PITPNC1: variants seen among roughly 807,000 people sequenced by gnomAD.
PITPNC1 encodes the protein cytoplasmic phosphatidylinositol transfer protein 1.
A neutral mutation model predicts 44.7 loss-of-function variants in PITPNC1; 18 were observed. That is an observed-to-expected ratio of 0.40 (90% CI 0.28 to 0.60). The LOEUF is 0.60. Ranked by LOEUF, PITPNC1 falls within the 20% of genes least tolerant of loss-of-function variation. The pLI is 0.39. For synonymous variants in PITPNC1, 141 were observed against 149.6 expected, an observed-to-expected ratio of 0.94 and a Z score of 0.42; for missense variants, 290 against 418.4, an observed-to-expected ratio of 0.69 and a Z score of 2.68.
chr17:67,411,018 G>A (rs1282766755), intron 1 of PITPNC1, among the ~76,000 whole-genome samples: 6 of 150,692 alleles, frequency 4.0e-5, no homozygotes, highest in Non-Finnish European at 8.8e-5. Flanking sequence ...GGAGGCGGAG[G>A]TTGCAGTGAG....
chr17:67,540,012 C>T (rs1277665596), intron 2 of PITPNC1, among the ~76,000 whole-genome samples: 1 of 152,010 alleles, frequency 6.6e-6, no homozygotes. Flanking sequence ...TTGTGGTTAC[C>T]TTTGAGGAGG....
chr17:67,475,038 A>G (rs139869104), intron 1 of PITPNC1, among the ~76,000 whole-genome samples: 1 of 152,356 alleles, frequency 6.6e-6, no homozygotes, highest in African/African-American at 2.4e-5. Context: ...AAGCTGCTCT[A>G]GTGTGAACAC....
chr17:67,589,376 C>A (rs1434303750), intron 5 of PITPNC1, among the ~76,000 whole-genome samples: 1 of 152,196 alleles, frequency 6.6e-6, no homozygotes, highest in Non-Finnish European at 1.5e-5. Flanking sequence ...TGTCTGCTTT[C>A]TGGCTAGGCC....
At chr17:67,526,674 G>A (rs2040395141) in intron 1 of PITPNC1, among the ~76,000 whole-genome samples, 1 of 151,912 alleles carries the variant, frequency 6.6e-6, no homozygotes, top group Admixed American at 6.6e-5. Context: ...AGAGGTTGCA[G>A]TGAGCCAAGA....
At position 67,463,813 on chromosome 17, in the gene PITPNC1, G is replaced by T. The variant is rs191895281; in HGVS notation, c.49-68989G>T. On this transcript the variant is annotated intron_variant, in intron 1 of 8. Coordinates refer to ENST00000581322, the MANE Select transcript of PITPNC1 (RefSeq NM_012417.4). ...CGGCGGCTACTTGGGAGGCTGAGGT[G>T]GGAGGATCGTTTAAGCCCGAAAGGC... 3.9e-5 allele frequency among the ~76,000 whole-genome samples: 6 copies of T among 152,116 alleles called. No homozygotes were observed. In the East Asian group the frequency reaches 1.2e-3, roughly 29 times the overall value.
intron 1 of PITPNC1, among the ~76,000 whole-genome samples, chr17:67,529,643 G>A (rs947483422): frequency 6.6e-6 from 1 of 152,136 alleles, no homozygotes; most frequent in East Asian, 1.9e-4. Context: ...AAACTGGGTG[G>A]CTTCAACAAC....
At chr17:67,584,125 T>A (rs2144243655) in intron 5 of PITPNC1, among the ~76,000 whole-genome samples, 1 of 152,200 alleles carries the variant, frequency 6.6e-6, no homozygotes, top group South Asian at 2.1e-4. Flanking sequence ...GTAAGTGCTA[T>A]TTAAAACCAA....
chr17:67,382,198 C>T (rs780361714), intron 1 of PITPNC1, among the ~76,000 whole-genome samples: 34 of 152,254 alleles, frequency 2.2e-4, no homozygotes, highest in Non-Finnish European at 3.2e-4. Context: ...TTGCTATAGA[C>T]GGTACTGGCC....
At chr17:67,461,320 G>T (rs1191507972) in intron 1 of PITPNC1, among the ~76,000 whole-genome samples, 3 of 152,230 alleles carry the variant, frequency 2.0e-5, no homozygotes, top group Non-Finnish European at 2.9e-5. Flanking sequence ...AAGTCAAATA[G>T]ATAATAGGTC....
chr17:67,509,698 T>C (rs2040155970), intron 1 of PITPNC1, among the ~76,000 whole-genome samples: 1 of 152,130 alleles, frequency 6.6e-6, no homozygotes, highest in Non-Finnish European at 1.5e-5. Context: ...GTGTGACATA[T>C]ATCACATCCT....
Position 67,378,234 on chromosome 17 carries a change from C to G in PITPNC1, c.48+32C>G, listed in dbSNP as rs947442321. On this transcript the variant is annotated intron_variant, in intron 1 of 8. Transcript: ENST00000581322. ...GCCGCGCCCGGCCCGGCCTCGCCCG[C>G]TCCGGGACCCCCGCCGCTACCGCCG... The G allele has an allele frequency of 4.2e-6, 6 of 1,413,758 alleles. No individual in the cohort carries two copies. In the African/African-American group the frequency reaches 9.0e-5, roughly 21 times the overall value. 87.6% of individuals were successfully genotyped at this position (1,413,758 alleles called of 1,614,324 possible).
At chr17:67,483,980 A>G (rs1464222591) in intron 1 of PITPNC1, among the ~76,000 whole-genome samples, 3 of 144,310 alleles carry the variant, frequency 2.1e-5, no homozygotes, top group African/African-American at 5.2e-5. Context: ...GTGCCGTGGC[A>G]TGATCTTGGC....
chr17:67,389,128 C>T (rs988343568), intron 1 of PITPNC1, among the ~76,000 whole-genome samples: 11 of 152,330 alleles, frequency 7.2e-5, no homozygotes, highest in Admixed American at 3.3e-4. Context: ...TGGCAGAATG[C>T]AGTTCCTTAC....
At chr17:67,594,566 C>T (rs1039466306) in intron 5 of PITPNC1, among the ~76,000 whole-genome samples, 4 of 152,160 alleles carry the variant, frequency 2.6e-5, no homozygotes, top group African/African-American at 9.7e-5. Context: ...TTGTGGCCTC[C>T]TGCTTGGAGG....
intron 4 of PITPNC1, among the ~76,000 whole-genome samples, chr17:67,575,571 G>A (rs1025102170): frequency 1.2e-4 from 18 of 152,014 alleles, no homozygotes; most frequent in African/African-American, 7.3e-5. Context: ...CTGTCTTCTC[G>A]TGCAGGTGCC....
In PITPNC1 at chr17:67,487,879, C is replaced by A. The variant is rs144665078; in HGVS notation, c.49-44923C>A. On this transcript the variant is annotated intron_variant, in intron 1 of 8. Transcript: ENST00000581322. ...TTTCTCCCAGGAGATGTCTTCGCATCTTATACCCTGTATAGGATCATCACG... is the reference window on the plus strand; with the variant it reads ...TTTCTCCCAGGAGATGTCTTCGCATATTATACCCTGTATAGGATCATCACG... Among the ~76,000 whole-genome samples, 24 of 152,306 alleles carry A rather than the reference C, an allele frequency of 1.6e-4. No homozygotes were observed. The East Asian group carries it at 4.4e-3, about 28-fold the overall frequency.
intron 8 of PITPNC1, among the ~76,000 whole-genome samples, chr17:67,687,807 T>C (rs1487771472): frequency 1.3e-5 from 2 of 152,102 alleles, no homozygotes; most frequent in East Asian, 3.8e-4. Context: ...GCCTCAGTTA[T>C]TTCGTTGCAC....
In PITPNC1 at chr17:67,551,523, C is replaced by G. The variant is rs115442833; in HGVS notation, c.198-734C>G. Among the ~76,000 whole-genome samples, 738 of 152,334 alleles carry G rather than the reference C, an allele frequency of 4.8e-3. 8 individuals carry two copies. Among genetic ancestry groups the G allele is most frequent in the African/African-American group, 0.017 (695 of 41,576 alleles). The stretch of plus-strand genomic sequence containing the variant: ...ATTTCCATGTCTGCCTCTGTCCTTG[C>G]ATGGCTGTCCCCTCGGTGTGTCTCT... On this transcript the variant is annotated intron_variant, in intron 2 of 8. Coordinates refer to ENST00000581322, the MANE Select transcript of PITPNC1 (RefSeq NM_012417.4).
At chr17:67,655,074 A>G (rs2042248146) in intron 6 of PITPNC1, among the ~76,000 whole-genome samples, 1 of 152,224 alleles carries the variant, frequency 6.6e-6, no homozygotes, top group Non-Finnish European at 1.5e-5. Flanking sequence ...ACAGAATACC[A>G]TAGACTGGGT....
Sources: gnomAD v4.1 joint callset for allele counts (sites outside exome capture counted in the v4.1 genomes callset) on GRCh38, gnomAD v4.1.1 for gene constraint, MANE v1.5 for transcripts, NCBI Gene and HGNC (gene_info 2026-07-23, HGNC 2026-07-21) for gene names.